Variants in TBC1D2 observed in about 807,000 individuals in gnomAD.
TBC1D2 encodes TBC1 domain family member 2, also known as TBC1 domain family member 2A.
A neutral mutation model predicts 91.1 loss-of-function variants in TBC1D2; 58 were observed. That is an observed-to-expected ratio of 0.64 (90% CI 0.52 to 0.79). The LOEUF is 0.79. Among genes scored for constraint, TBC1D2 ranks in the 30% least tolerant of loss-of-function variants. The probability of loss-of-function intolerance (pLI) is 0.00; values close to 1 mark genes in which losing one functional copy is unlikely to be tolerated. For synonymous variants in TBC1D2, 482 were observed against 511.5 expected, an observed-to-expected ratio of 0.94 and a Z score of 0.78; for missense variants, 1,080 against 1,208.3, an observed-to-expected ratio of 0.89 and a Z score of 1.57.
chr9:98,201,690 A>G, intron 10 of TBC1D2, 26 bp from the exon 11 acceptor site: 1 of 1,598,314 alleles, frequency 6.3e-7, no homozygotes, highest in South Asian at 1.1e-5. Flanking sequence ...AGGGCCTGTC[A>G]TCTGCAGCCC....
Position 98,209,063 on chromosome 9 carries a change from C to T in TBC1D2, c.1755G>A (p.Leu585=). Residue 585 remains leucine, a synonymous_variant, in exon 9 of 13, where the codon TTG becomes TTA. Coordinates refer to ENST00000465784, the MANE Select transcript of TBC1D2 (RefSeq NM_001267571.2). Reference sequence around the variant, plus strand: ...CCAGCAGGTGGTGGGATCGTGACTCCAATGCCTGGATCTTGGCCAGCAGCT... The same window carrying T: ...CCAGCAGGTGGTGGGATCGTGACTCTAATGCCTGGATCTTGGCCAGCAGCT... The part of the protein sequence containing the change: ...DLKLLAKIQA[L]ESRSHHLLGL... The T allele has an allele frequency of 6.2e-7, 1 of 1,614,148 alleles. No homozygotes were observed.
chr9:98,208,574 A>T, intron 9 of TBC1D2, 94 bp downstream of exon 9: 1 of 1,320,576 alleles, frequency 7.6e-7, no homozygotes, highest in Non-Finnish European at 1.0e-6. Flanking sequence ...GCCCCTTAAC[A>T]GGCCACAGAT....
At position 98,199,538 on chromosome 9, in the gene TBC1D2, T is replaced by C. The variant is rs777210199; in HGVS notation, c.2630A>G (p.Gln877Arg). 5 of 1,614,164 alleles carry C rather than the reference T, an allele frequency of 3.1e-6. No homozygotes were observed. Among genetic ancestry groups the C allele is most frequent in the Non-Finnish European group, 4.2e-6 (5 of 1,180,046 alleles). ...GTGGACCATGCGCAGCTGCCGCAGC[T>C]GTTTCATGCGGAAGGGGTTCATGTC... The part of the protein sequence containing the change: ...FNDMNPFRMK[Q>R]LRQLRMVHRE... The change falls in exon 13 of 13, where the codon CAG becomes CGG. Residue 877 changes from glutamine (Q) to arginine (R), a missense_variant. Gln to Arg is a conservative substitution (Grantham distance 43). Coordinates refer to ENST00000465784, the MANE Select transcript of TBC1D2 (RefSeq NM_001267571.2).
At chr9:98,241,788 G>T (rs1829642616) in intron 3 of TBC1D2, among the ~76,000 whole-genome samples, 1 of 152,014 alleles carries the variant, frequency 6.6e-6, no homozygotes, top group Non-Finnish European at 1.5e-5. Context: ...CTCCTGCAGG[G>T]TGCCCTCCAC....
chr9:98,209,756 T>TTCCTTCCTTCCTTCCTTCCTTCC (rs369507489), intron 8 of TBC1D2, among the ~76,000 whole-genome samples: 50 of 105,536 alleles, frequency 4.7e-4, no homozygotes, highest in East Asian at 7.0e-4. Context: ...CCTTCCTTCC[T>TTCCTTCCTTCCTTCCTTCCTTCC]TTCCTTCCTT....
rs550283307 is a variant in TBC1D2 at position 98,207,256 on chromosome 9, G to A, written c.2150+1412C>T. 1.1e-4 allele frequency among the ~76,000 whole-genome samples: 17 copies of A among 152,302 alleles called. 1 individual carries two copies. In the South Asian group the frequency reaches 1.9e-3, roughly 17 times the overall value. On this transcript the variant is annotated intron_variant, in intron 9 of 12. Coordinates refer to ENST00000465784, the MANE Select transcript of TBC1D2 (RefSeq NM_001267571.2). ...CCACTCAAATTTGAGTAAGGACACTGAATGTTGATTCTGTGTTAAATAAAT... is the reference window on the plus strand; with the variant it reads ...CCACTCAAATTTGAGTAAGGACACTAAATGTTGATTCTGTGTTAAATAAAT...
chr9:98,255,527 C>G lies in TBC1D2; in HGVS notation c.15G>C (p.Gly5=). MEGA[G]ENAPESSSSA... ...AGGAGCTGGACTCCGGGGCGTTCTC[C>G]CCAGCGCCCTCCATCGCTGCCAGCC... Residue 5 remains glycine (G), a synonymous_variant, in exon 1 of 13, where the codon GGG becomes GGC. Coordinates refer to ENST00000465784, the MANE Select transcript of TBC1D2 (RefSeq NM_001267571.2). 1 of 1,520,124 alleles carries G rather than the reference C, an allele frequency of 6.6e-7. No individual in the cohort carries two copies. The allele number at this position is 1,520,124 out of a possible 1,614,324, so 94.2% of individuals were successfully genotyped here. A position where few individuals can be genotyped will look rare whatever the true frequency, so the allele number is the denominator to read the frequency against.
At chr9:98,252,032 G>GAA in intron 1 of TBC1D2, 106 bp from the exon 2 acceptor site, 1 of 1,410,722 alleles carries the variant, frequency 7.1e-7, no homozygotes, top group Non-Finnish European at 9.4e-7. Context: ...TTCTTTCCCA[G>GAA]GAAAAAAAAA....
intron 9 of TBC1D2, among the ~76,000 whole-genome samples, chr9:98,204,081 C>A (rs566418932): frequency 6.6e-6 from 1 of 152,194 alleles, no homozygotes; most frequent in South Asian, 2.1e-4. Context: ...GGGTAAGAAA[C>A]AAACAAAAAC....
At chr9:98,249,743 T>C (rs118023174) in intron 2 of TBC1D2, among the ~76,000 whole-genome samples, 1,771 of 152,358 alleles carry the variant, frequency 0.012, 81 homozygotes, top group East Asian at 0.078. Context: ...ATGATAGTAA[T>C]AGCATGGGTG....
intron 6 of TBC1D2, among the ~76,000 whole-genome samples, chr9:98,216,518 C>T (rs1203294589): frequency 2.6e-5 from 4 of 152,106 alleles, no homozygotes; most frequent in South Asian, 2.1e-4. Flanking sequence ...CCCCTTGTCA[C>T]GAAAGAGAGC....
At chr9:98,224,060 C>A (rs936598411) in intron 5 of TBC1D2, among the ~76,000 whole-genome samples, 28 of 151,926 alleles carry the variant, frequency 1.8e-4, no homozygotes, top group African/African-American at 6.8e-4. Flanking sequence ...ATTAGCCAGG[C>A]GTGGTGGCGG....
At chr9:98,231,765 C>G (rs1308422124) in intron 4 of TBC1D2, among the ~76,000 whole-genome samples, 6 of 152,140 alleles carry the variant, frequency 3.9e-5, no homozygotes, top group Non-Finnish European at 5.9e-5. Context: ...ATGAGGATAA[C>G]AACAATATAT....
At chr9:98,217,057 C>T (rs1219921457) in intron 6 of TBC1D2, among the ~76,000 whole-genome samples, 3 of 152,288 alleles carry the variant, frequency 2.0e-5, no homozygotes, top group East Asian at 3.9e-4. Flanking sequence ...ACCCTGCTTC[C>T]AGCTCTAGGG....
At chr9:98,213,246 A>T (rs187799327) in intron 6 of TBC1D2, 28 bp from the exon 7 acceptor site, 1 of 1,613,590 alleles carries the variant, frequency 6.2e-7, no homozygotes, top group East Asian at 2.2e-5. Context: ...ATATGTTATC[A>T]GTTGGACATA....
At chr9:98,211,269 C>T (rs1022131696) in intron 7 of TBC1D2, among the ~76,000 whole-genome samples, 1 of 152,148 alleles carries the variant, frequency 6.6e-6, no homozygotes, top group African/African-American at 2.4e-5. Flanking sequence ...TGTATAAAGC[C>T]CTTCCCAGGG....
At chr9:98,206,159 T>A (rs1418989366) in intron 9 of TBC1D2, among the ~76,000 whole-genome samples, 1 of 151,358 alleles carries the variant, frequency 6.6e-6, no homozygotes, top group East Asian at 2.0e-4. Context: ...GGTTTCACCA[T>A]GTTGGCCAGG....
At chr9:98,237,121 G>A (rs943583572) in intron 3 of TBC1D2, among the ~76,000 whole-genome samples, 4 of 152,004 alleles carry the variant, frequency 2.6e-5, no homozygotes, top group Non-Finnish European at 5.9e-5. Flanking sequence ...TGGATTGCTT[G>A]AGGCCAGGAG....
rs1828416158 is a variant in TBC1D2 at position 98,199,287 on chromosome 9, G to T, written c.*94C>A. ...ACATGTCCAAGGTCACATGGTGATG[G>T]GACACCCAGGGCTGGGCCACTGGTC... is the stretch of plus-strand genomic sequence containing the variant. On this transcript the variant is annotated 3_prime_UTR_variant, in exon 13 of 13. Coordinates refer to ENST00000465784, the MANE Select transcript of TBC1D2 (RefSeq NM_001267571.2). 7.3e-7 allele frequency: 1 copy of T among 1,374,626 alleles called. No homozygotes were observed. The highest frequency in any genetic ancestry group is 1.8e-5 in the Admixed American group (1 of 55,100). 85.2% of individuals were successfully genotyped at this position (1,374,626 alleles called of 1,614,324 possible).
Sources: gnomAD v4.1 joint callset for allele counts (sites outside exome capture counted in the v4.1 genomes callset) on GRCh38, gnomAD v4.1.1 for gene constraint, MANE v1.5 for transcripts, NCBI Gene and HGNC (gene_info 2026-07-23, HGNC 2026-07-21) for gene names.